Variants in HERC1 observed in about 807,000 individuals in gnomAD.
The protein encoded by HERC1 is probable E3 ubiquitin-protein ligase HERC1.
In HERC1, 160 loss-of-function variants were observed where a neutral mutation model predicts 554.3. The observed-to-expected ratio is 0.29, with a 90% CI of 0.25 to 0.33. HERC1 has a LOEUF of 0.33. Ranked by LOEUF, HERC1 falls within the 10% of genes least tolerant of loss-of-function variation. The probability of loss-of-function intolerance (pLI) is 1.00; values close to 1 mark genes in which losing one functional copy is unlikely to be tolerated. For missense variants in HERC1, 4,919 were observed against 5,918.5 expected (o/e 0.83, Z 5.54); for synonymous variants, 2,175 against 2,131.7 (o/e 1.02, Z -0.56).
In HERC1 at chr15:63,741,270, A is replaced by T. The variant is rs550106572; in HGVS notation, c.2520+5648T>A. Among the ~76,000 whole-genome samples, 183 of 149,636 alleles carry T rather than the reference A, an allele frequency of 1.2e-3. 1 individual carries two copies. Among genetic ancestry groups the T allele is most frequent in the African/African-American group, 4.4e-3 (180 of 40,718 alleles). On this transcript the variant is annotated intron_variant, in intron 12 of 77. Coordinates refer to ENST00000443617, the MANE Select transcript of HERC1 (RefSeq NM_003922.4). ...TCTCGAACTCCTGACCTCGTGATCCACCCGCCTCAGCCTCTCAAAGTGCTG... is the reference window on the plus strand; with the variant it reads ...TCTCGAACTCCTGACCTCGTGATCCTCCCGCCTCAGCCTCTCAAAGTGCTG...
intron 50 of HERC1, 51 bp from the exon 51 acceptor site, chr15:63,654,375 C>T (rs755322988): frequency 4.4e-6 from 6 of 1,359,850 alleles, no homozygotes; most frequent in Non-Finnish European, 6.2e-6. Flanking sequence ...GGCAATTAAA[C>T]CTGCTTAAAC....
Position 63,775,847 on chromosome 15 carries a change from G to T in HERC1, c.-26-198C>A, listed in dbSNP as rs2076097024. On this transcript the variant is annotated intron_variant, in intron 1 of 77. Transcript: ENST00000443617. This position sits in a 1 kb window ranked among gnomAD's most constrained non-coding sequence, Gnocchi z 4.0. ...GAGGCCAGGAGTTCAAGACGAGCCT[G>T]GCCAACATTATGAAACCCCATCTCT... Among the ~76,000 whole-genome samples the T allele has an allele frequency of 6.6e-6, 1 of 152,054 alleles. No homozygotes were observed.
Position 63,654,272 on chromosome 15 carries a change from C to A in HERC1, c.10137G>T (p.Leu3379=), listed in dbSNP as rs375917148. ...CTGCCCATTGCCGATGCTGTGAGGA[C>A]AGCCTGGAGGAGAGGCAGCAGGCTG... is the stretch of plus-strand genomic sequence containing the variant. ...ALAACCLSSR[L]SSQHRQWAAQ... is the part of the protein sequence containing the mutation. The change falls in exon 51 of 78, where the codon CTG becomes CTT. Residue 3379 remains leucine (L), a synonymous_variant. Transcript: ENST00000443617. 1.4e-3 allele frequency: 2,302 copies of A among 1,614,016 alleles called. 40 individuals are homozygous for A. The South Asian group carries it at 0.024, about 17-fold the overall frequency.
intron 34 of HERC1, among the ~76,000 whole-genome samples, chr15:63,683,123 T>A (rs1388006843): frequency 8.2e-6 from 1 of 121,354 alleles, no homozygotes; most frequent in African/African-American, 3.2e-5. Flanking sequence ...GCAACAGAGC[T>A]ACACTCTGTC....
At chr15:63,788,615 C>T (rs965610734) in intron 1 of HERC1, among the ~76,000 whole-genome samples, 5 of 152,154 alleles carry the variant, frequency 3.3e-5, no homozygotes, top group African/African-American at 1.2e-4. Flanking sequence ...TAATAAAAAT[C>T]TGCAATTAAA....
At chr15:63,712,986 C>T (rs1175014967) in intron 23 of HERC1, 91 bp from the exon 24 acceptor site, 34 of 1,207,116 alleles carry the variant, frequency 2.8e-5, no homozygotes, top group Non-Finnish European at 2.8e-5. Flanking sequence ...AGATAATATA[C>T]ACACACAGGG....
chr15:63,644,613 G>T (rs1290582714), intron 57 of HERC1, among the ~76,000 whole-genome samples: 2 of 151,808 alleles, frequency 1.3e-5, no homozygotes, highest in Non-Finnish European at 2.9e-5. Context: ...TGTAACTTCT[G>T]TTTAATATAA....
intron 39 of HERC1, among the ~76,000 whole-genome samples, chr15:63,670,695 A>G (rs966117739): frequency 6.6e-6 from 1 of 152,184 alleles, no homozygotes; most frequent in Non-Finnish European, 1.5e-5. Flanking sequence ...AAGGAGTCAC[A>G]GTGCTACTGA....
chr15:63,666,995 G>A (rs2070676382), intron 40 of HERC1, among the ~76,000 whole-genome samples: 1 of 152,110 alleles, frequency 6.6e-6, no homozygotes, highest in Admixed American at 6.5e-5. Flanking sequence ...GATTAAAATG[G>A]CCCCAAGCAT....
intron 4 of HERC1, among the ~76,000 whole-genome samples, chr15:63,757,065 C>T (rs1357707360): frequency 6.6e-6 from 1 of 151,634 alleles, no homozygotes; most frequent in Non-Finnish European, 1.5e-5. Flanking sequence ...TAAAGTTTTC[C>T]TTCCTATAAA....
Position 63,749,835 on chromosome 15 carries a change from T to C in HERC1, c.1903-44A>G, listed in dbSNP as rs971626883. Reference sequence around the variant, plus strand: ...CGTTACACATAACTTCCTGAGATGATTAGATTGTTGGCTTTAGGGATAAAT... The same window carrying C: ...CGTTACACATAACTTCCTGAGATGACTAGATTGTTGGCTTTAGGGATAAAT... On this transcript the variant is annotated intron_variant, in intron 8 of 77. Coordinates refer to ENST00000443617, the MANE Select transcript of HERC1 (RefSeq NM_003922.4). The surrounding 1 kb of genome is among the most constrained non-coding windows in gnomAD (Gnocchi z 4.1). 6.8e-7 allele frequency: 1 copy of C among 1,463,192 alleles called. No individual in the cohort carries two copies. Among genetic ancestry groups the C allele is most frequent in the Non-Finnish European group, 9.1e-7 (1 of 1,098,146 alleles). The allele number at this position is 1,463,192 out of a possible 1,614,324, so 90.6% of individuals were successfully genotyped here. A position where few individuals can be genotyped will look rare whatever the true frequency, so the allele number is the denominator to read the frequency against.
At chr15:63,689,466 T>C in intron 33 of HERC1, 123 bp downstream of exon 33, 1 of 589,668 alleles carries the variant, frequency 1.7e-6, no homozygotes, top group South Asian at 2.2e-5. Context: ...GGAGACAGAA[T>C]GCCAAGAGAG....
At chr15:63,626,226 C>G in intron 70 of HERC1, 72 bp from the exon 71 acceptor site, 1 of 1,458,314 alleles carries the variant, frequency 6.9e-7, no homozygotes, top group South Asian at 1.2e-5. Flanking sequence ...TGAAAAATTT[C>G]AAGCATACAG....
intron 12 of HERC1, among the ~76,000 whole-genome samples, chr15:63,744,947 G>A (rs2075001665): frequency 6.6e-6 from 1 of 152,146 alleles, no homozygotes; most frequent in African/African-American, 2.4e-5. Context: ...CACAGCCCAT[G>A]GGCTCTTCGG....
At chr15:63,810,231 A>G (rs752198158) in intron 1 of HERC1, among the ~76,000 whole-genome samples, 2 of 152,206 alleles carry the variant, frequency 1.3e-5, no homozygotes, top group Non-Finnish European at 2.9e-5. Context: ...TGTTAATAGG[A>G]GCATTATTCA....
At chr15:63,624,399 G>T in intron 71 of HERC1, 72 bp from the exon 72 acceptor site, 1 of 1,392,582 alleles carries the variant, frequency 7.2e-7, no homozygotes, top group Non-Finnish European at 9.8e-7. Context: ...TTCACTTATA[G>T]AACATACATT....
chr15:63,829,479 A>C (rs8024392), intron 1 of HERC1, among the ~76,000 whole-genome samples: 1 of 87,608 alleles, frequency 1.1e-5, no homozygotes, highest in African/African-American at 5.6e-5. Flanking sequence ...TGTTTATATA[A>C]ATATATATAT....
intron 37 of HERC1, among the ~76,000 whole-genome samples, chr15:63,675,727 C>G (rs1316633624): frequency 1.3e-5 from 2 of 152,036 alleles, no homozygotes; most frequent in Non-Finnish European, 2.9e-5. Flanking sequence ...TTGGCAAGAA[C>G]TTCCTGAAGT....
chr15:63,785,574 G>A (rs1332469014), intron 1 of HERC1, among the ~76,000 whole-genome samples: 1 of 152,114 alleles, frequency 6.6e-6, no homozygotes, highest in African/African-American at 2.4e-5. Context: ...TTCAAGACCA[G>A]CCTGCACAAC....
Sources: gnomAD v4.1 joint callset for allele counts (sites outside exome capture counted in the v4.1 genomes callset) on GRCh38, gnomAD v4.1.1 for gene constraint, Gnocchi (gnomAD v3.1) non-coding constraint, MANE v1.5 for transcripts, NCBI Gene and HGNC (gene_info 2026-07-23, HGNC 2026-07-21) for gene names.